Variants in TMEM164 observed in about 807,000 individuals in gnomAD.
TMEM164 encodes RP13-360B22.2.
In TMEM164, 4 loss-of-function variants were observed where a neutral mutation model predicts 18.8. That is an observed-to-expected ratio of 0.21 (90% CI 0.10 to 0.49). The LOEUF is 0.49. TMEM164 is among the 20% of genes least tolerant of loss of function. TMEM164 has a pLI of 0.98. For synonymous variants in TMEM164, 86 were observed against 101.7 expected (o/e 0.85, Z 0.93); for missense variants, 108 against 239.9 (o/e 0.45, Z 3.63).
intron 3 of TMEM164, among the ~76,000 whole-genome samples, chrX:110,074,016 T>A (rs2065635053): frequency 9.0e-6 from 1 of 110,706 alleles, no homozygotes; most frequent in Admixed American, 9.7e-5. Context: ...TAGCTGGGAC[T>A]ACAGGCACAT....
At chrX:110,132,099 G>A (rs1446982849) in intron 4 of TMEM164, among the ~76,000 whole-genome samples, 1 of 111,527 alleles carries the variant, frequency 9.0e-6, no homozygotes, top group East Asian at 2.8e-4. Context: ...TTCAAATGCC[G>A]GCTGAGCCAC....
chrX:110,153,451 A>G (rs2066972900), intron 5 of TMEM164, among the ~76,000 whole-genome samples: 1 of 112,032 alleles, frequency 8.9e-6, no homozygotes, highest in Admixed American at 9.5e-5. Context: ...TAATTCCCAC[A>G]GTGTCCACTA....
chrX:110,126,247 T>A (rs2066526724), intron 4 of TMEM164, among the ~76,000 whole-genome samples: 1 of 111,954 alleles, frequency 8.9e-6, no homozygotes. Context: ...CAGATAGGGC[T>A]GACAGAAGGA....
At chrX:110,143,804 GGTGTGT>G (rs759024255) in intron 4 of TMEM164, among the ~76,000 whole-genome samples, 10 of 103,072 alleles carry the variant, frequency 9.7e-5, no homozygotes, top group East Asian at 6.1e-4. Flanking sequence ...CATACTTTGG[GGTGTGT>G]GTGTGTGTGT....
chrX:110,121,599 G>A lies in TMEM164; in HGVS notation c.507+12453G>A, dbSNP rs372824619. ...ATCACATTTTGTTTAGCCATTTGTC[G>A]GTTAGTGTACATTTGGGTTGGTTCT... On this transcript the variant is annotated intron_variant, in intron 4 of 6. Coordinates refer to ENST00000372068, the MANE Select transcript of TMEM164 (RefSeq NM_032227.4). Among the ~76,000 whole-genome samples, 8 of 111,967 alleles carry A rather than the reference G, an allele frequency of 7.1e-5. No individual in the cohort carries two copies. In the East Asian group the frequency reaches 1.7e-3, roughly 24 times the overall value.
intron 4 of TMEM164, among the ~76,000 whole-genome samples, chrX:110,134,178 C>T (rs2066651823): frequency 9.0e-6 from 1 of 111,562 alleles, no homozygotes; most frequent in Non-Finnish European, 1.9e-5. Context: ...ATGACCACAA[C>T]TCTGTTCCCC....
At chrX:110,096,717 C>G (rs1476813487) in intron 3 of TMEM164, among the ~76,000 whole-genome samples, 1 of 112,060 alleles carries the variant, frequency 8.9e-6, no homozygotes, top group East Asian at 2.8e-4. Flanking sequence ...GTGAGATGAA[C>G]CTGGTACCTC....
chrX:110,119,421 C>G (rs2066418667), intron 4 of TMEM164, among the ~76,000 whole-genome samples: 1 of 111,029 alleles, frequency 9.0e-6, no homozygotes, highest in Non-Finnish European at 1.9e-5. Flanking sequence ...TAGCGAGACC[C>G]CATTTCTTAA....
intron 5 of TMEM164, among the ~76,000 whole-genome samples, chrX:110,146,464 A>G (rs2066856269): frequency 8.9e-6 from 1 of 112,134 alleles, no homozygotes; most frequent in Non-Finnish European, 1.9e-5. Flanking sequence ...GATCCTCCCG[A>G]TAGCCCAGTT....
chrX:110,157,318 C>T (rs967546298), intron 5 of TMEM164, among the ~76,000 whole-genome samples: 4 of 111,578 alleles, frequency 3.6e-5, no homozygotes, highest in Non-Finnish European at 7.5e-5. Flanking sequence ...CATGTTGGAT[C>T]TAAGAGGTAC....
chrX:110,151,131 C>T (rs192554319), intron 5 of TMEM164, among the ~76,000 whole-genome samples: 6 of 112,061 alleles, frequency 5.4e-5, no homozygotes, highest in Non-Finnish European at 7.5e-5. Context: ...TTTCAGTCTG[C>T]TATTGATGGA....
At chrX:110,053,453 G>A (rs770389078) in intron 2 of TMEM164, among the ~76,000 whole-genome samples, 3 of 111,785 alleles carry the variant, frequency 2.7e-5, no homozygotes, top group African/African-American at 9.8e-5. Flanking sequence ...CAAATGGTAG[G>A]TATTCTTATT....
In TMEM164 at chrX:110,083,636, A is replaced by C. The variant is rs966591409; in HGVS notation, c.440+16240A>C. On this transcript the variant is annotated intron_variant, in intron 3 of 6. Coordinates refer to ENST00000372068, the MANE Select transcript of TMEM164 (RefSeq NM_032227.4). The stretch of plus-strand genomic sequence containing the variant: ...ACTTTAAACCTAAAATTTCATTGAC[A>C]TCATCACAACACAGAGTCTGTCATC... Among the ~76,000 whole-genome samples the C allele has an allele frequency of 1.3e-4, 14 of 111,698 alleles. 1 individual carries two copies. Among genetic ancestry groups the C allele is most frequent in the Admixed American group, 1.2e-3 (13 of 10,460 alleles).
At chrX:110,004,246 C>T in intron 2 of TMEM164, 82 bp downstream of exon 2, 1 of 1,060,054 alleles carries the variant, frequency 9.4e-7, no homozygotes, top group East Asian at 3.1e-5. Flanking sequence ...TGTACAGCAC[C>T]TCATCCCGGC....
chrX:110,021,505 C>G (rs1933853132), intron 2 of TMEM164, among the ~76,000 whole-genome samples: 1 of 110,456 alleles, frequency 9.1e-6, no homozygotes, highest in Non-Finnish European at 1.9e-5. Context: ...AAAAGCAAAT[C>G]TGTGTGTGTG....
At chrX:110,064,204 G>T (rs1936234293) in intron 2 of TMEM164, among the ~76,000 whole-genome samples, 2 of 111,792 alleles carry the variant, frequency 1.8e-5, no homozygotes, top group African/African-American at 6.5e-5. Flanking sequence ...AATGCAAAGT[G>T]CCAAGTTGGT....
intron 3 of TMEM164, among the ~76,000 whole-genome samples, chrX:110,076,959 T>C (rs2065680405): frequency 8.9e-6 from 1 of 112,175 alleles, no homozygotes; most frequent in African/African-American, 3.2e-5. Flanking sequence ...GTTCTGTAGA[T>C]GTCTATTAGG....
chrX:110,180,181 C>A, downstream of TMEM164, among the ~76,000 whole-genome samples: 1 of 112,475 alleles, frequency 8.9e-6, no homozygotes, highest in Non-Finnish European at 1.9e-5. Context: ...TTCATCACCA[C>A]CAGGGTCACC....
intron 2 of TMEM164, among the ~76,000 whole-genome samples, chrX:110,023,059 G>T: frequency 8.9e-6 from 1 of 111,998 alleles, no homozygotes; most frequent in Non-Finnish European, 1.9e-5. Flanking sequence ...AATGGCCTGT[G>T]TTAAAACTTT....
Sources: gnomAD v4.1 joint callset for allele counts (sites outside exome capture counted in the v4.1 genomes callset) on GRCh38, gnomAD v4.1.1 for gene constraint, MANE v1.5 for transcripts, NCBI Gene and HGNC (gene_info 2026-07-23, HGNC 2026-07-21) for gene names.